The following SCRG1 variants were observed in gnomAD, a reference collection of about 807,000 sequenced individuals.
SCRG1 encodes the protein scrapie-responsive protein 1.
In SCRG1, 3 loss-of-function variants were observed where a neutral mutation model predicts 7.7. That is an observed-to-expected ratio of 0.39 (90% CI 0.18 to 1.01). SCRG1 has a LOEUF of 1.01. Ranked by LOEUF, SCRG1 falls within the 50% of genes least tolerant of loss-of-function variation. The pLI, the probability that SCRG1 is intolerant of heterozygous loss-of-function variation, is 0.36. For synonymous variants in SCRG1, 46 were observed against 41.2 expected (o/e 1.12, Z -0.44); for missense variants, 110 against 117.2 (o/e 0.94, Z 0.28).
chr4:173,456,967 A>G, the SCRG1 span, among the ~76,000 whole-genome samples: 2 of 152,232 alleles, frequency 1.3e-5, no homozygotes, highest in Non-Finnish European at 2.9e-5. Flanking sequence ...TATGGTCAAC[A>G]GTTGACTTTG....
At chr4:173,483,843 A>C in the SCRG1 span, among the ~76,000 whole-genome samples, 11 of 18,042 alleles carry the variant, frequency 6.1e-4, 1 homozygote, top group Non-Finnish European at 1.5e-3. Flanking sequence ...TATATAATAT[A>C]TAATATATAT....
chr4:173,433,898 A>C, the SCRG1 span, among the ~76,000 whole-genome samples: 1 of 152,224 alleles, frequency 6.6e-6, no homozygotes, highest in Non-Finnish European at 1.5e-5. Flanking sequence ...TGAGGCTCTC[A>C]TCTAACTTAC....
At chr4:173,439,265 G>T in the SCRG1 span, among the ~76,000 whole-genome samples, 5 of 152,088 alleles carry the variant, frequency 3.3e-5, no homozygotes, top group Non-Finnish European at 4.4e-5. Context: ...AGATTTTTGG[G>T]CCTATAATCC....
the SCRG1 span, among the ~76,000 whole-genome samples, chr4:173,430,730 C>T: frequency 2.1e-5 from 3 of 146,062 alleles, no homozygotes; most frequent in Non-Finnish European, 4.5e-5. Flanking sequence ...TCACCTAAGC[C>T]TGGGAGGTAG....
the SCRG1 span, among the ~76,000 whole-genome samples, chr4:173,459,368 A>G: frequency 6.6e-6 from 1 of 152,218 alleles, no homozygotes; most frequent in Non-Finnish European, 1.5e-5. Context: ...AGGCCACAAA[A>G]CAAGTCTTAA....
chr4:173,497,037 C>T, the SCRG1 span, among the ~76,000 whole-genome samples: 1 of 152,076 alleles, frequency 6.6e-6, no homozygotes. Flanking sequence ...ACCTGGGAGG[C>T]AGAGCGTGCA....
the SCRG1 span, among the ~76,000 whole-genome samples, chr4:173,452,898 T>C: frequency 6.6e-6 from 1 of 152,236 alleles, no homozygotes; most frequent in Admixed American, 6.5e-5. Flanking sequence ...AATCTCTGGC[T>C]TTCTCATTTA....
At chr4:173,513,392 C>T in the SCRG1 span, among the ~76,000 whole-genome samples, 4 of 152,196 alleles carry the variant, frequency 2.6e-5, no homozygotes, top group African/African-American at 7.2e-5. Context: ...ATCATTACTC[C>T]CCCCTTTTTT....
chr4:173,511,405 C>T, the SCRG1 span, among the ~76,000 whole-genome samples: 1 of 152,176 alleles, frequency 6.6e-6, no homozygotes, highest in Non-Finnish European at 1.5e-5. The surrounding 1 kb of genome is among the most constrained non-coding windows in gnomAD (Gnocchi z 5.2). Context: ...TCTCGCCTGG[C>T]CTGGCCCTCT....
chr4:173,406,370 C>T (rs1323726940), exon 1 of SCRG1: 2 of 152,196 alleles, frequency 1.3e-5, no homozygotes, highest in African/African-American at 4.8e-5. Flanking sequence ...CTGCAACTTC[C>T]CCCTCACTAC....
chr4:173,476,363 A>AAAAAAAATAT, the SCRG1 span, among the ~76,000 whole-genome samples: 2 of 98,508 alleles, frequency 2.0e-5, no homozygotes, highest in South Asian at 3.4e-4. Context: ...GGAAAAAAAA[A>AAAAAAAATAT]ATATATATAT....
the SCRG1 span, among the ~76,000 whole-genome samples, chr4:173,473,835 T>A: frequency 2.0e-5 from 3 of 152,194 alleles, no homozygotes; most frequent in Non-Finnish European, 4.4e-5. Flanking sequence ...TCATGGCAGA[T>A]AATGGTTTGG....
At chr4:173,436,085 TA>T in the SCRG1 span, among the ~76,000 whole-genome samples, 1,377 of 131,628 alleles carry the variant, frequency 0.01, 13 homozygotes, top group African/African-American at 0.035. Context: ...TTATTTCAAT[TA>T]AAAGGATGAA....
the SCRG1 span, among the ~76,000 whole-genome samples, chr4:173,445,351 G>T: frequency 6.6e-6 from 1 of 152,050 alleles, no homozygotes; most frequent in Admixed American, 6.5e-5. Flanking sequence ...GTGAGGCTGA[G>T]GCAGGTGGAT....
chr4:173,486,933 G>C, the SCRG1 span, among the ~76,000 whole-genome samples: 1 of 152,148 alleles, frequency 6.6e-6, no homozygotes, highest in South Asian at 2.1e-4. Context: ...ATTAGAAGCA[G>C]GGTGTTAATC....
At chr4:173,480,023 G>A in the SCRG1 span, among the ~76,000 whole-genome samples, 1 of 151,932 alleles carries the variant, frequency 6.6e-6, no homozygotes, top group Non-Finnish European at 1.5e-5. Flanking sequence ...AGGTTGGAGG[G>A]CAGTGGCATG....
the SCRG1 span, among the ~76,000 whole-genome samples, chr4:173,437,802 C>G: frequency 6.6e-6 from 1 of 152,092 alleles, no homozygotes; most frequent in African/African-American, 2.4e-5. Context: ...ATCTTAATTG[C>G]AGGAAAAGAC....
At chr4:173,423,132 C>T in the SCRG1 span, among the ~76,000 whole-genome samples, 1 of 152,118 alleles carries the variant, frequency 6.6e-6, no homozygotes, top group African/African-American at 2.4e-5. Flanking sequence ...AAAATCTTAA[C>T]TATTAATATA....
the SCRG1 span, among the ~76,000 whole-genome samples, chr4:173,479,720 G>A: frequency 6.6e-6 from 1 of 152,062 alleles, no homozygotes; most frequent in Non-Finnish European, 1.5e-5. Context: ...GATTACAGGC[G>A]TGAGCCACCA....
Sources: gnomAD v4.1 joint callset for allele counts (sites outside exome capture counted in the v4.1 genomes callset) on GRCh38, gnomAD v4.1.1 for gene constraint, Gnocchi (gnomAD v3.1) non-coding constraint, MANE v1.5 for transcripts, NCBI Gene and HGNC (gene_info 2026-07-23, HGNC 2026-07-21) for gene names.